Variants in GTPBP1 observed in about 807,000 individuals in gnomAD.
GTPBP1 encodes GTP binding protein 1, also known as GTP-binding protein 1.
Under a neutral mutation model 62.0 loss-of-function variants are expected in GTPBP1, and 23 were observed. That is an observed-to-expected ratio of 0.37 (90% CI 0.27 to 0.53). GTPBP1 has a LOEUF of 0.53. Ranked by LOEUF, GTPBP1 falls within the 20% of genes least tolerant of loss-of-function variation. The pLI, the probability that GTPBP1 is intolerant of heterozygous loss-of-function variation, is 0.89. For synonymous variants in GTPBP1, 344 were observed against 364.4 expected, an observed-to-expected ratio of 0.94 and a Z score of 0.64; for missense variants, 640 against 917.3, an observed-to-expected ratio of 0.70 and a Z score of 3.90.
rs955234882 is a variant in GTPBP1 at position 38,706,057 on chromosome 22, C to A, written c.102C>A (p.Ala34=). 8 of 1,365,336 alleles carry A rather than the reference C, an allele frequency of 5.9e-6. No homozygotes were observed. In the Admixed American group the frequency reaches 2.9e-4, roughly 49 times the overall value. 84.6% of individuals were successfully genotyped at this position (1,365,336 alleles called of 1,614,324 possible). A position where few individuals can be genotyped will look rare whatever the true frequency, so the allele number is the denominator to read the frequency against. The part of the protein sequence containing the change: ...SSPGAARAAA[A]AARLHGGFDS... The stretch of plus-strand genomic sequence containing the variant: ...CGGGGGCGGCCAGGGCCGCGGCGGC[C>A]GCCGCCCGACTCCACGGCGGCTTTG... The change falls in exon 1 of 12, where the codon GCC becomes GCA. Residue 34 remains alanine, a synonymous_variant. Transcript: ENST00000216044.
At chr22:38,738,303 G>A (rs1433226378), downstream of GTPBP1, 3 of 1,562,452 alleles carry the variant, frequency 1.9e-6, no homozygotes, top group African/African-American at 2.7e-5. The surrounding 1 kb of genome is among the most constrained non-coding windows in gnomAD (Gnocchi z 6.6). Context: ...AGGGGCTGGA[G>A]CAGGGAGAAC....
In GTPBP1 at chr22:38,726,167, G is replaced by T. The variant is rs749692002; in HGVS notation, c.1218+17G>T. ...TCCGTCCCGGTAAGTGGCTCTGGGC[G>T]GGTAGCTGGGTGGGCACTTCCTACA... On this transcript the variant is annotated intron_variant, in intron 7 of 11. Coordinates refer to ENST00000216044, the MANE Select transcript of GTPBP1 (RefSeq NM_004286.5). The surrounding 1 kb of genome is among the most constrained non-coding windows in gnomAD (Gnocchi z 4.1). 2.9e-5 allele frequency: 46 copies of T among 1,609,672 alleles called. No homozygotes were observed. The East Asian group carries it at 1.0e-3, about 36-fold the overall frequency.
Position 38,727,423 on chromosome 22 carries a change from G to T in GTPBP1, c.1537+75G>T. On this transcript the variant is annotated intron_variant, in intron 9 of 11. Coordinates refer to ENST00000216044, the MANE Select transcript of GTPBP1 (RefSeq NM_004286.5). The surrounding 1 kb of genome is among the most constrained non-coding windows in gnomAD (Gnocchi z 6.5). ...CTCAGAAGGTGTTCCAGCAACCCAG[G>T]CCCCCTAGTTCCAGCTGCAGCTGGG... 1 of 1,391,556 alleles carries T rather than the reference G, an allele frequency of 7.2e-7. No individual in the cohort carries two copies. Among genetic ancestry groups the T allele is most frequent in the South Asian group, 1.5e-5 (1 of 66,606 alleles). The allele number at this position is 1,391,556 out of a possible 1,614,324, so 86.2% of individuals were successfully genotyped here. A position where few individuals can be genotyped will look rare whatever the true frequency, so the allele number is the denominator to read the frequency against.
At chr22:38,723,690 A>G (rs1177766296) in intron 5 of GTPBP1, among the ~76,000 whole-genome samples, 1 of 152,116 alleles carries the variant, frequency 6.6e-6, no homozygotes, top group Non-Finnish European at 1.5e-5. Flanking sequence ...TGAATCTGGC[A>G]CCTCTTTTCA....
intron 2 of GTPBP1, among the ~76,000 whole-genome samples, chr22:38,713,195 A>G (rs2092649897): frequency 6.6e-6 from 1 of 152,100 alleles, no homozygotes; most frequent in African/African-American, 2.4e-5. Flanking sequence ...GAACCCCAGC[A>G]CAAGGAAGGG....
chr22:38,707,943 T>G (rs1234137471), intron 1 of GTPBP1, among the ~76,000 whole-genome samples: 1 of 152,214 alleles, frequency 6.6e-6, no homozygotes, highest in Non-Finnish European at 1.5e-5. Flanking sequence ...CTCCGAGAGC[T>G]TCCAAAGGGA....
chr22:38,712,227 G>T (rs1311339230), intron 2 of GTPBP1, among the ~76,000 whole-genome samples: 1 of 152,122 alleles, frequency 6.6e-6, no homozygotes, highest in Admixed American at 6.5e-5. Context: ...AAGAGGAGCT[G>T]CCCTTTAATT....
Position 38,721,763 on chromosome 22 carries a change from G to A in GTPBP1, c.856G>A (p.Val286Met), listed in dbSNP as rs1447333347. Residue 286 changes from valine (V) to methionine (M), a missense_variant, in exon 5 of 12, where the codon GTG becomes ATG. By Grantham distance (21) the Val-to-Met change is conservative (BLOSUM62 1). Around this residue, in one of 4 missense-constraint regions of GTPBP1, gnomAD observed 88 missense variants for 217.0 expected, o/e 0.41. Transcript: ENST00000216044. ...MLMVGSNAGIVGMTKEHLGLA... is the reference protein window; with the variant it reads ...MLMVGSNAGIMGMTKEHLGLA... Reference sequence around the variant, plus strand: ...GCAGGTGGGCAGCAATGCTGGCATCGTGGGGATGACCAAAGAACACCTGGG... The same window carrying A: ...GCAGGTGGGCAGCAATGCTGGCATCATGGGGATGACCAAAGAACACCTGGG... The A allele has an allele frequency of 6.2e-7, 1 of 1,612,432 alleles. No homozygotes were observed. Among genetic ancestry groups the A allele is most frequent in the Non-Finnish European group, 8.5e-7 (1 of 1,178,714 alleles).
chr22:38,714,433 T>C (rs966602986), intron 2 of GTPBP1, among the ~76,000 whole-genome samples: 1 of 142,902 alleles, frequency 7.0e-6, no homozygotes, highest in Non-Finnish European at 1.5e-5. Context: ...GAGCAAGGAT[T>C]GTGCCACTGC....
chr22:38,716,719 C>A lies in GTPBP1; in HGVS notation c.553C>A (p.Leu185Met), dbSNP rs1419647515. ...TLLGVLTHGE[L>M]DNGRGFARQK... ...TCTGGGGGTCCTGACACATGGGGAGCTGGACAATGGCCGAGGCTTTGCCCG... is the reference window on the plus strand; with the variant it reads ...TCTGGGGGTCCTGACACATGGGGAGATGGACAATGGCCGAGGCTTTGCCCG... Residue 185 changes from leucine (L) to methionine (M), a missense_variant, in exon 4 of 12, where the codon CTG (leucine) becomes ATG (methionine). Physicochemically the swap from Leu to Met is conservative, Grantham distance 15. This residue lies in a region of GTPBP1 where 88 missense variants were observed against 217.0 expected (regional missense o/e 0.41). Transcript: ENST00000216044. This position sits in a 1 kb window ranked among gnomAD's most constrained non-coding sequence, Gnocchi z 5.2. The A allele has an allele frequency of 1.2e-6, 2 of 1,614,048 alleles. No homozygotes were observed. The highest frequency in any genetic ancestry group is 1.7e-6 in the Non-Finnish European group (2 of 1,180,024).
In GTPBP1 at chr22:38,716,452, G is replaced by A. The variant is rs1203732646; in HGVS notation, c.486-200G>A. 6.6e-6 allele frequency among the ~76,000 whole-genome samples: 1 copy of A among 152,196 alleles called. No individual in the cohort carries two copies. The highest frequency in any genetic ancestry group is 2.4e-5 in the African/African-American group (1 of 41,440). ...GTTAAGGGAGATAGCCGCTGTGGGA[G>A]TCTGGGCCCTTCTGATGACTCTACA... On this transcript the variant is annotated intron_variant, in intron 3 of 11. Transcript: ENST00000216044. The surrounding 1 kb of genome is among the most constrained non-coding windows in gnomAD (Gnocchi z 5.2).
chr22:38,715,929 T>G lies in GTPBP1; in HGVS notation c.327T>G (p.Ser109Arg). ...QGSDGTEYGL[S>R]EADMEASYAT... is the part of the protein sequence containing the mutation. ...CAGATGGGACTGAGTATGGGCTGAG[T>G]GAAGCTGACATGGAGGCCTCCTACG... The change falls in exon 3 of 12, where the codon AGT (serine) becomes AGG (arginine). Residue 109 changes from serine (S) to arginine (R), a missense_variant. Ser to Arg is a moderately radical substitution (Grantham distance 110). Transcript: ENST00000216044. The G allele has an allele frequency of 5.0e-6, 8 of 1,613,656 alleles. No homozygotes were observed. Among genetic ancestry groups the G allele is most frequent in the Non-Finnish European group, 6.8e-6 (8 of 1,179,830 alleles).
At position 38,727,185 on chromosome 22, in the gene GTPBP1, G is replaced by T. The variant is rs2092731160; in HGVS notation, c.1402-28G>T. On this transcript the variant is annotated intron_variant, in intron 8 of 11. Coordinates refer to ENST00000216044, the MANE Select transcript of GTPBP1 (RefSeq NM_004286.5). The surrounding 1 kb of genome is among the most constrained non-coding windows in gnomAD (Gnocchi z 6.5). ...GAAACCAGAAGGCATAATTGTCCCT[G>T]AGGGCTGGGGCTCCCTCTTTCTTTC... The T allele has an allele frequency of 6.5e-7, 1 of 1,543,260 alleles. No individual in the cohort carries two copies. Among genetic ancestry groups the T allele is most frequent in the Non-Finnish European group, 8.7e-7 (1 of 1,144,100 alleles).
chr22:38,740,092 CA>C, downstream of GTPBP1: 1 of 1,237,902 alleles, frequency 8.1e-7, no homozygotes, highest in Non-Finnish European at 1.1e-6. This position sits in a 1 kb window ranked among gnomAD's most constrained non-coding sequence, Gnocchi z 4.8. Context: ...TGGGCACTAA[CA>C]AAAACAGGAA....
downstream of GTPBP1, chr22:38,739,207 A>G (rs1419728897): frequency 1.9e-6 from 2 of 1,066,314 alleles, no homozygotes; most frequent in Non-Finnish European, 2.8e-6. This position sits in a 1 kb window ranked among gnomAD's most constrained non-coding sequence, Gnocchi z 6.7. Context: ...TGCCTTTGTC[A>G]TGGGTACTAG....
intron 5 of GTPBP1, chr22:38,723,069 G>A: frequency 1.3e-6 from 1 of 776,420 alleles, no homozygotes; most frequent in Non-Finnish European, 2.3e-6. Context: ...TTATTTCTTG[G>A]TGTATTTATC....
At chr22:38,729,801 A>G (rs970107353) in intron 11 of GTPBP1, 139 bp downstream of exon 11, 5 of 526,760 alleles carry the variant, frequency 9.5e-6, no homozygotes, top group Admixed American at 4.0e-5. Context: ...AAGTGCTCCT[A>G]AGAATGAGGC....
chr22:38,716,241 C>T lies in GTPBP1; in HGVS notation c.485+154C>T. The T allele has an allele frequency of 1.5e-6, 1 of 649,616 alleles. No individual in the cohort carries two copies. Among genetic ancestry groups the T allele is most frequent in the South Asian group, 1.9e-5 (1 of 52,780 alleles). 40.2% of individuals were successfully genotyped at this position (649,616 alleles called of 1,614,324 possible). A position where few individuals can be genotyped will look rare whatever the true frequency, so the allele number is the denominator to read the frequency against. ...GAGACGTGGGCTCCTTGCTCTAATT[C>T]TGCACTTCCCTGTCACTTTGGGAAG... is the stretch of plus-strand genomic sequence containing the variant. On this transcript the variant is annotated intron_variant, in intron 3 of 11. Coordinates refer to ENST00000216044, the MANE Select transcript of GTPBP1 (RefSeq NM_004286.5). The surrounding 1 kb of genome is among the most constrained non-coding windows in gnomAD (Gnocchi z 5.2).
chr22:38,738,414 T>A (rs1416102847), downstream of GTPBP1: 1 of 1,124,772 alleles, frequency 8.9e-7, no homozygotes, highest in Non-Finnish European at 1.3e-6. The surrounding 1 kb of genome is among the most constrained non-coding windows in gnomAD (Gnocchi z 6.6). Flanking sequence ...AGTTTCTGCC[T>A]CCAAAGCCTA....
Sources: allele counts gnomAD v4.1 joint callset (sites outside exome capture counted in the v4.1 genomes callset), GRCh38; gene constraint gnomAD v4.1.1; regional missense constraint gnomAD v4.1.1; non-coding constraint Gnocchi (gnomAD v3.1); transcripts MANE v1.5; gene names NCBI Gene and HGNC (gene_info 2026-07-23, HGNC 2026-07-21).